Variants in DIP2B observed in about 807,000 individuals in gnomAD.
DIP2B encodes DIP2 acetate--CoA ligase B (putative), also known as disco-interacting protein 2 homolog B.
Under a neutral mutation model 198.0 loss-of-function variants are expected in DIP2B, and 76 were observed. That is an observed-to-expected ratio of 0.38 (90% CI 0.32 to 0.46). The LOEUF is 0.46. Among genes scored for constraint, DIP2B ranks in the 20% least tolerant of loss-of-function variants. The probability of loss-of-function intolerance (pLI) is 0.99; values close to 1 mark genes in which losing one functional copy is unlikely to be tolerated. For missense variants in DIP2B, 1,559 were observed against 1,978.4 expected (o/e 0.79, Z 4.02); for synonymous variants, 701 against 739.1 (o/e 0.95, Z 0.84).
At chr12:50,538,808 T>A (rs1368364605) in intron 1 of DIP2B, among the ~76,000 whole-genome samples, 1 of 152,172 alleles carries the variant, frequency 6.6e-6, no homozygotes, top group Non-Finnish European at 1.5e-5. Flanking sequence ...AGAGGTGCTG[T>A]TGAATACTGG....
chr12:50,526,776 C>T (rs1300612522), intron 1 of DIP2B, among the ~76,000 whole-genome samples: 2 of 151,886 alleles, frequency 1.3e-5, no homozygotes, highest in Non-Finnish European at 2.9e-5. Flanking sequence ...GCTGAGATTA[C>T]AGGCCTGTGC....
rs1230333368 is a variant in DIP2B, at chr12:50,748,110, G to A, written c.*3271G>A. On this transcript the variant is annotated 3_prime_UTR_variant, in exon 38 of 38. Coordinates refer to ENST00000301180, the MANE Select transcript of DIP2B (RefSeq NM_173602.3). ...TTTTGTTGACTCAACAAGGGCCCGA[G>A]GCCTTAGGTTTTCTATTAAGGTCTC... is the stretch of plus-strand genomic sequence containing the variant. 1 of 152,588 alleles carries A rather than the reference G, an allele frequency of 6.6e-6. No individual in the cohort carries two copies. The highest frequency in any genetic ancestry group is 1.5e-5 in the Non-Finnish European group (1 of 68,026). The allele number at this position is 152,588 out of a possible 1,614,324, so 9.5% of individuals were successfully genotyped here.
intron 37 of DIP2B, among the ~76,000 whole-genome samples, chr12:50,744,366 G>A (rs549955246): frequency 4.6e-5 from 7 of 151,730 alleles, no homozygotes; most frequent in African/African-American, 1.7e-4. Flanking sequence ...GTGTTCACAG[G>A]GGCAAGATGT....
intron 5 of DIP2B, among the ~76,000 whole-genome samples, chr12:50,672,095 T>C (rs117619643): frequency 0.011 from 1,628 of 152,346 alleles, 13 homozygotes; most frequent in Non-Finnish European, 0.016. Context: ...GTGTTAACAT[T>C]ATGTGTCTGT....
chr12:50,602,295 G>A (rs1299903791), intron 1 of DIP2B, among the ~76,000 whole-genome samples: 1 of 152,088 alleles, frequency 6.6e-6, no homozygotes, highest in African/African-American at 2.4e-5. Flanking sequence ...TTGAGACAGT[G>A]TCTGGTTCTG....
At chr12:50,661,682 T>C (rs1938650847) in intron 4 of DIP2B, among the ~76,000 whole-genome samples, 1 of 152,202 alleles carries the variant, frequency 6.6e-6, no homozygotes, top group Non-Finnish European at 1.5e-5. Flanking sequence ...ACAGCACAAG[T>C]TGGGTCCTCA....
chr12:50,568,459 C>T (rs2139404980), intron 1 of DIP2B, among the ~76,000 whole-genome samples: 2 of 152,294 alleles, frequency 1.3e-5, no homozygotes, highest in South Asian at 2.1e-4. Context: ...TTTGGCTTGC[C>T]TGGCTCTTTC....
Position 50,744,988 on chromosome 12 carries a change from AAC to A in DIP2B, c.*153_*154del, listed in dbSNP as rs1940322937. The stretch of plus-strand genomic sequence containing the variant: ...ATCCTGTGGGATTCTGCAATCATAA[AAC>A]ACAGGAAAGGGGAATTCTGTGATGG... On this transcript the variant is annotated 3_prime_UTR_variant, in exon 38 of 38. Transcript: ENST00000301180. 1 of 1,009,048 alleles carries A rather than the reference AAC, an allele frequency of 9.9e-7. No homozygotes were observed. The highest frequency in any genetic ancestry group is 1.6e-5 in the African/African-American group (1 of 61,880). 62.5% of individuals were successfully genotyped at this position (1,009,048 alleles called of 1,614,324 possible). A position where few individuals can be genotyped will look rare whatever the true frequency, so the allele number is the denominator to read the frequency against.
chr12:50,700,810 T>A (rs1939404030), intron 19 of DIP2B, among the ~76,000 whole-genome samples: 1 of 152,252 alleles, frequency 6.6e-6, no homozygotes, highest in South Asian at 2.1e-4. Flanking sequence ...TGGTTTACTT[T>A]CCTAGGTGAT....
chr12:50,505,711 C>G (rs1208239297), intron 1 of DIP2B, among the ~76,000 whole-genome samples: 2 of 152,152 alleles, frequency 1.3e-5, no homozygotes, highest in Non-Finnish European at 2.9e-5. Flanking sequence ...ATCATTTCTT[C>G]TCTTTCCTTT....
At chr12:50,723,637 G>C (rs1454498793) in intron 27 of DIP2B, among the ~76,000 whole-genome samples, 2 of 152,088 alleles carry the variant, frequency 1.3e-5, no homozygotes, top group Non-Finnish European at 2.9e-5. Context: ...TGTAGTTCCA[G>C]CGACTCAGGA....
intron 1 of DIP2B, among the ~76,000 whole-genome samples, chr12:50,555,089 CT>C (rs989104908): frequency 6.6e-6 from 1 of 152,042 alleles, no homozygotes; most frequent in Non-Finnish European, 1.5e-5. Flanking sequence ...TTTTTTATCT[CT>C]TTTTTGGAAT....
At chr12:50,665,374 T>A (rs1938731895) in intron 4 of DIP2B, among the ~76,000 whole-genome samples, 1 of 152,196 alleles carries the variant, frequency 6.6e-6, no homozygotes, top group Non-Finnish European at 1.5e-5. Flanking sequence ...TTGCCCCAGG[T>A]CAAATAGCAA....
Position 50,724,393 on chromosome 12 carries a change from C to T in DIP2B, c.3289-382C>T, listed in dbSNP as rs77088766. Among the ~76,000 whole-genome samples, 1,252 of 152,262 alleles carry T rather than the reference C, an allele frequency of 8.2e-3. 22 individuals carry two copies. Among genetic ancestry groups the T allele is most frequent in the Non-Finnish European group, 8.2e-3 (555 of 68,020 alleles). On this transcript the variant is annotated intron_variant, in intron 27 of 37. Transcript: ENST00000301180. ...TCTCATCATTCACTAGAGACTGGGGCAGTCTCCTTCAAACATGGTTATCCG... is the reference window on the plus strand; with the variant it reads ...TCTCATCATTCACTAGAGACTGGGGTAGTCTCCTTCAAACATGGTTATCCG...
intron 1 of DIP2B, among the ~76,000 whole-genome samples, chr12:50,571,174 T>TC (rs1958609831): frequency 6.7e-6 from 1 of 149,006 alleles, no homozygotes; most frequent in Non-Finnish European, 1.5e-5. Context: ...CAGCCTCTTT[T>TC]TTTTTTTTTT....
intron 37 of DIP2B, among the ~76,000 whole-genome samples, chr12:50,743,358 G>A (rs1016202814): frequency 3.9e-5 from 6 of 152,194 alleles, no homozygotes; most frequent in Non-Finnish European, 5.9e-5. Context: ...TGGGATTACA[G>A]GCGTGAGCCA....
intron 1 of DIP2B, among the ~76,000 whole-genome samples, chr12:50,516,057 A>T (rs557333266): frequency 2.0e-5 from 3 of 152,320 alleles, no homozygotes; most frequent in African/African-American, 7.2e-5. Context: ...TTATTGTCTG[A>T]TGAGAGCCTG....
chr12:50,526,094 C>T (rs968101246), intron 1 of DIP2B, among the ~76,000 whole-genome samples: 5 of 152,146 alleles, frequency 3.3e-5, no homozygotes, highest in Non-Finnish European at 7.3e-5. Flanking sequence ...GTCTTGTTCC[C>T]TGCTGTCTCT....
At chr12:50,522,547 A>G (rs980460363) in intron 1 of DIP2B, among the ~76,000 whole-genome samples, 1 of 152,184 alleles carries the variant, frequency 6.6e-6, no homozygotes, top group Non-Finnish European at 1.5e-5. Context: ...GGGGGAAACT[A>G]GAGTACCTGG....
Sources: allele counts gnomAD v4.1 joint callset (sites outside exome capture counted in the v4.1 genomes callset), GRCh38; gene constraint gnomAD v4.1.1; transcripts MANE v1.5; gene names NCBI Gene and HGNC (gene_info 2026-07-23, HGNC 2026-07-21).